The following ASTN2 variants were observed in gnomAD, a reference collection of about 807,000 sequenced individuals.
ASTN2 encodes the protein astrotactin-2.
Under a neutral mutation model 139.8 loss-of-function variants are expected in ASTN2, and 54 were observed. The ratio of observed to expected loss-of-function variants is 0.39; its 90% CI spans 0.31 to 0.48. The LOEUF is 0.48. Among genes scored for constraint, ASTN2 ranks in the 20% least tolerant of loss-of-function variants. The pLI is 0.95. For synonymous variants in ASTN2, 756 were observed against 719.5 expected, an observed-to-expected ratio of 1.05 and a Z score of -0.81; for missense variants, 1,565 against 1,725.1, an observed-to-expected ratio of 0.91 and a Z score of 1.64.
chr9:116,720,557 C>A (rs939899645), intron 16 of ASTN2, among the ~76,000 whole-genome samples: 3 of 144,492 alleles, frequency 2.1e-5, no homozygotes, highest in African/African-American at 4.9e-5. Context: ...CCCCTCCCCT[C>A]TTTTCTCTCT....
intron 10 of ASTN2, among the ~76,000 whole-genome samples, chr9:116,905,577 G>A (rs866585010): frequency 1.3e-5 from 2 of 152,100 alleles, no homozygotes; most frequent in African/African-American, 2.4e-5. Context: ...AGATGGGCCC[G>A]CCCCTCACAT....
chr9:117,102,574 G>A (rs1002411503), intron 4 of ASTN2, among the ~76,000 whole-genome samples: 8 of 152,124 alleles, frequency 5.3e-5, no homozygotes, highest in African/African-American at 1.9e-4. Context: ...CCAGGCTGGG[G>A]TACAGTGGCA....
Position 117,214,484 on chromosome 9 carries a change from C to A in ASTN2, c.889G>T (p.Glu297Ter), listed in dbSNP as rs1266862787. ...GCCCGCCTAGGTGGCTCCTCATCCT[C>A]CTCACAGTCATAGTCATCCAGGATG... is the stretch of plus-strand genomic sequence containing the variant. ...TPILDDYDCEEDEEPPRRANH... is the reference protein window; with the variant it reads ...TPILDDYDCE The change falls in exon 3 of 23, where the codon GAG becomes TAG. Residue 297 changes from glutamate (E) to a stop codon, truncating the protein, a stop_gained. Transcript: ENST00000313400. LOFTEE classifies it high-confidence loss of function. 1 of 1,614,100 alleles carries A rather than the reference C, an allele frequency of 6.2e-7. No homozygotes were observed. The highest frequency in any genetic ancestry group is 1.3e-5 in the African/African-American group (1 of 74,946).
At chr9:116,917,266 T>A (rs765837766) in intron 10 of ASTN2, among the ~76,000 whole-genome samples, 16 of 152,178 alleles carry the variant, frequency 1.1e-4, no homozygotes, top group Non-Finnish European at 1.5e-4. Flanking sequence ...TTGCACTACT[T>A]TCCTCCCTGG....
chr9:116,953,426 G>C (rs1835619264), intron 10 of ASTN2, among the ~76,000 whole-genome samples: 1 of 152,166 alleles, frequency 6.6e-6, no homozygotes, highest in Non-Finnish European at 1.5e-5. Flanking sequence ...GCAGGTACCA[G>C]GTGTTGCTGG....
chr9:117,002,202 G>A (rs919412710), intron 7 of ASTN2, among the ~76,000 whole-genome samples: 14 of 152,242 alleles, frequency 9.2e-5, no homozygotes, highest in Non-Finnish European at 2.1e-4. Flanking sequence ...TTTCTAGCAG[G>A]GGAGATAAAC....
At chr9:117,108,438 A>AC (rs1554779232) in intron 4 of ASTN2, among the ~76,000 whole-genome samples, 393 of 145,344 alleles carry the variant, frequency 2.7e-3, no homozygotes, top group Non-Finnish European at 4.8e-3. Flanking sequence ...AACAAAACAA[A>AC]ACACACACAC....
At chr9:117,411,701 A>C (rs899431127) in intron 1 of ASTN2, among the ~76,000 whole-genome samples, 1 of 152,176 alleles carries the variant, frequency 6.6e-6, no homozygotes, top group Non-Finnish European at 1.5e-5. Flanking sequence ...CCCAGGACCC[A>C]AAGTGACCAG....
intron 5 of ASTN2, among the ~76,000 whole-genome samples, chr9:117,049,876 T>C (rs1462884701): frequency 2.0e-5 from 3 of 152,168 alleles, no homozygotes; most frequent in Non-Finnish European, 4.4e-5. Context: ...AAAGATGCTG[T>C]ACTCAATAGA....
rs186755240 is a variant in ASTN2, at chr9:117,263,454, A to C, written c.630+27872T>G. On this transcript the variant is annotated intron_variant, in intron 2 of 22. Coordinates refer to ENST00000313400, the MANE Select transcript of ASTN2 (RefSeq NM_001365068.1). The stretch of plus-strand genomic sequence containing the variant: ...AAAATCCTACCACTGGCATGGTGGA[A>C]TAAATACCATTTCTTGAAATATCTT... Among the ~76,000 whole-genome samples the C allele has an allele frequency of 1.8e-3, 276 of 152,336 alleles. 4 individuals are homozygous for C. The highest frequency in any genetic ancestry group is 6.2e-3 in the African/African-American group (259 of 41,578).
chr9:116,842,549 C>T (rs937493603), intron 11 of ASTN2, among the ~76,000 whole-genome samples: 1 of 151,966 alleles, frequency 6.6e-6, no homozygotes, highest in Non-Finnish European at 1.5e-5. Context: ...AGTCCCCAGT[C>T]CCCCACCCCT....
chr9:117,322,918 T>C (rs913331832), intron 1 of ASTN2, among the ~76,000 whole-genome samples: 3 of 152,074 alleles, frequency 2.0e-5, no homozygotes, highest in Non-Finnish European at 4.4e-5. Flanking sequence ...CTTCAACCTT[T>C]CCAGTAATGG....
In ASTN2 at chr9:116,651,655, C is replaced by A. The variant is rs139180322; in HGVS notation, c.2945G>T (p.Arg982Leu). The stretch of plus-strand genomic sequence containing the variant: ...GCAAAGGTGACAGGTAGATGGACAG[C>A]GCCCCTTCTCCTCACAGCGAATCTC... ...GVEIRCEEKG[R>L]CPSTCHLCRR... Residue 982 changes from arginine to leucine, a missense_variant, in exon 17 of 23, where the codon CGC becomes CTC. By Grantham distance (102) the Arg-to-Leu change is moderately radical. Coordinates refer to ENST00000313400, the MANE Select transcript of ASTN2 (RefSeq NM_001365068.1). 2 of 1,614,138 alleles carry A rather than the reference C, an allele frequency of 1.2e-6. No individual in the cohort carries two copies. The highest frequency in any genetic ancestry group is 2.2e-5 in the South Asian group (2 of 91,074).
intron 2 of ASTN2, among the ~76,000 whole-genome samples, chr9:117,245,975 T>G (rs979351643): frequency 6.6e-6 from 1 of 152,124 alleles, no homozygotes; most frequent in Non-Finnish European, 1.5e-5. Context: ...CTTCCCCCAT[T>G]CAACTCCAAG....
chr9:117,074,107 C>G (rs921051538), intron 5 of ASTN2, among the ~76,000 whole-genome samples: 5 of 152,022 alleles, frequency 3.3e-5, no homozygotes, highest in Non-Finnish European at 7.4e-5. Context: ...AAAAAAAAGA[C>G]CTTAATAGTA....
At chr9:117,016,637 T>C in intron 6 of ASTN2, among the ~76,000 whole-genome samples, 1 of 23,028 alleles carries the variant, frequency 4.3e-5, no homozygotes, top group Non-Finnish European at 1.2e-4. Context: ...TATATATATA[T>C]ATATATATAT....
At chr9:117,340,130 G>T (rs756853702) in intron 1 of ASTN2, among the ~76,000 whole-genome samples, 1 of 151,566 alleles carries the variant, frequency 6.6e-6, no homozygotes, top group Non-Finnish European at 1.5e-5. Context: ...TTCAAGACCA[G>T]CCTAGCCAAC....
intron 19 of ASTN2, among the ~76,000 whole-genome samples, chr9:116,542,148 T>C (rs1246694740): frequency 2.0e-5 from 3 of 152,250 alleles, no homozygotes; most frequent in African/African-American, 7.2e-5. Flanking sequence ...TTCCTTTTTA[T>C]TAAACATTAT....
chr9:117,162,025 G>A (rs1273319386), intron 3 of ASTN2, among the ~76,000 whole-genome samples: 2 of 151,914 alleles, frequency 1.3e-5, no homozygotes, highest in Admixed American at 6.6e-5. Context: ...CTTTGTAGCT[G>A]GGTGAAAAAT....
Sources: allele counts gnomAD v4.1 joint callset (sites outside exome capture counted in the v4.1 genomes callset), GRCh38; gene constraint gnomAD v4.1.1; transcripts MANE v1.5; gene names NCBI Gene and HGNC (gene_info 2026-07-23, HGNC 2026-07-21).